The following DNPH1 variants were observed in gnomAD, a reference collection of about 807,000 sequenced individuals.
DNPH1 encodes 2'-deoxynucleoside 5'-phosphate N-hydrolase 1.
A neutral mutation model predicts 15.7 loss-of-function variants in DNPH1; 18 were observed. That is an observed-to-expected ratio of 1.15 (90% CI 0.79 to 1.70). The LOEUF is 1.70. DNPH1 is among the 40% of genes most tolerant of loss of function. DNPH1 has a pLI of 0.00. For synonymous variants in DNPH1, 114 were observed against 107.9 expected, an observed-to-expected ratio of 1.06 and a Z score of -0.35; for missense variants, 262 against 255.2, an observed-to-expected ratio of 1.03 and a Z score of -0.18.
intron 1 of DNPH1, 90 bp downstream of exon 1, chr6:43,229,171 C>A: frequency 1.6e-6 from 2 of 1,233,890 alleles, no homozygotes; most frequent in Non-Finnish European, 2.1e-6. Flanking sequence ...GCGCAGCTGC[C>A]GGGGGTCGGG....
At position 43,225,724 on chromosome 6, in the gene DNPH1, G is replaced by A. The variant is rs576823146; in HGVS notation, c.*9C>T. 7 of 1,613,740 alleles carry A rather than the reference G, an allele frequency of 4.3e-6. No individual in the cohort carries two copies. The highest frequency in any genetic ancestry group is 5.9e-6 in the Non-Finnish European group (7 of 1,179,994). On this transcript the variant is annotated 3_prime_UTR_variant, in exon 4 of 4. Transcript: ENST00000230431. ...TGAGAATAGAAGAATTTAAGAAAGT[G>A]AGATTAAGTCAAGTGGTTGGGTCAG... is the stretch of plus-strand genomic sequence containing the variant.
In DNPH1 at chr6:43,226,398, G is replaced by C; in HGVS notation, c.197-3C>G. The C allele has an allele frequency of 6.2e-7, 1 of 1,611,304 alleles. No homozygotes were observed. Among genetic ancestry groups the C allele is most frequent in the Non-Finnish European group, 8.5e-7 (1 of 1,179,474 alleles). On this transcript the variant is annotated splice_polypyrimidine_tract_variant and splice_region_variant and intron_variant, in intron 1 of 3. Transcript: ENST00000230431. The surrounding 1 kb of genome is among the most constrained non-coding windows in gnomAD (Gnocchi z 4.1). ...GTCACCCCCAGCAGCCTCTTCCCCTGTGTTGAGGGAAAGCTGGTCAAGGAC... is the reference window on the plus strand; with the variant it reads ...GTCACCCCCAGCAGCCTCTTCCCCTCTGTTGAGGGAAAGCTGGTCAAGGAC...
Position 43,226,031 on chromosome 6 carries a change from A to C in DNPH1, c.376+2T>G, listed in dbSNP as rs765101358. ...GCCAGGAGGGAGGCTTGGGGTGCTC[A>C]CCGCGGCCAGACTGCGGGCGGAACA... On this transcript the variant is annotated splice_donor_variant, in intron 3 of 3. Coordinates refer to ENST00000230431, the MANE Select transcript of DNPH1 (RefSeq NM_006443.3). LOFTEE classifies it high-confidence loss of function. This position sits in a 1 kb window ranked among gnomAD's most constrained non-coding sequence, Gnocchi z 4.1. 5.6e-6 allele frequency: 9 copies of C among 1,613,610 alleles called. No individual in the cohort carries two copies. Among genetic ancestry groups the C allele is most frequent in the Admixed American group, 3.3e-5 (2 of 59,990 alleles).
At position 43,226,102 on chromosome 6, in the gene DNPH1, AG is replaced by A. The variant is rs1432550801; in HGVS notation, c.306del (p.Tyr103MetfsTer28). 2 of 1,613,632 alleles carry A rather than the reference AG, an allele frequency of 1.2e-6. No individual in the cohort carries two copies. The highest frequency in any genetic ancestry group is 1.7e-6 in the Non-Finnish European group (2 of 1,180,014). On this transcript the variant is annotated frameshift_variant, in exon 3 of 4. Coordinates refer to ENST00000230431, the MANE Select transcript of DNPH1 (RefSeq NM_006443.3). LOFTEE classifies it high-confidence loss of function. This position sits in a 1 kb window ranked among gnomAD's most constrained non-coding sequence, Gnocchi z 4.1. Reference sequence around the variant, plus strand: ...AAGGCCACGGCCCGGCCCAGCTCATAGCCTACACCCAAGGATGGCTGTGTCA... The same window carrying A: ...AAGGCCACGGCCCGGCCCAGCTCATACCTACACCCAAGGATGGCTGTGTCA... ...AEVTQPSLGVGYELGRAVAFN... is the reference protein window; with the variant it reads ...AEVTQPSLGVXYELGRAVAFN...
intron 1 of DNPH1, among the ~76,000 whole-genome samples, chr6:43,228,330 C>G (rs930287153): frequency 2.0e-5 from 3 of 151,930 alleles, no homozygotes; most frequent in Non-Finnish European, 4.4e-5. Context: ...TGTCGTGCCC[C>G]TGCAGTCCTT....
In DNPH1 at chr6:43,225,690, A is replaced by G; in HGVS notation, c.*43T>C. ...GGCTAAGAGGAAGGAATGGTACTAG[A>G]GCAGTGTCTGAGAATAGAAGAATTT... is the stretch of plus-strand genomic sequence containing the variant. On this transcript the variant is annotated 3_prime_UTR_variant, in exon 4 of 4. Coordinates refer to ENST00000230431, the MANE Select transcript of DNPH1 (RefSeq NM_006443.3). 6.2e-6 allele frequency: 10 copies of G among 1,608,356 alleles called. No individual in the cohort carries two copies. The highest frequency in any genetic ancestry group is 4.2e-6 in the Non-Finnish European group (5 of 1,177,058).
At position 43,229,277 on chromosome 6, in the gene DNPH1, G is replaced by A; in HGVS notation, c.180C>T (p.Ala60=). The part of the protein sequence containing the change: ...GTVLTEHVAA[A]ELGARGEEAA... ...GGGCCTCACCGCGCGCGCCCAGCTCGGCGGCCGCCACGTGCTCGGTGAGCA... is the reference window on the plus strand; with the variant it reads ...GGGCCTCACCGCGCGCGCCCAGCTCAGCGGCCGCCACGTGCTCGGTGAGCA... Residue 60 remains alanine (A), a synonymous_variant, in exon 1 of 4, where the codon GCC becomes GCT. Transcript: ENST00000230431. The A allele has an allele frequency of 7.0e-7, 1 of 1,431,840 alleles. No individual in the cohort carries two copies. The highest frequency in any genetic ancestry group is 1.4e-5 in the South Asian group (1 of 71,672). 88.7% of individuals were successfully genotyped at this position (1,431,840 alleles called of 1,614,324 possible).
chr6:43,229,078 G>T (rs1776783629), intron 1 of DNPH1, 183 bp downstream of exon 1: 1 of 595,276 alleles, frequency 1.7e-6, no homozygotes, highest in Non-Finnish European at 2.9e-6. Flanking sequence ...GACCCACGCA[G>T]CCCGAGCCCC....
At position 43,225,773 on chromosome 6, in the gene DNPH1, G is replaced by A. The variant is rs1448633394; in HGVS notation, c.485C>T (p.Pro162Leu). 26 of 1,614,092 alleles carry A rather than the reference G, an allele frequency of 1.6e-5. No individual in the cohort carries two copies. The highest frequency in any genetic ancestry group is 2.0e-5 in the Non-Finnish European group (24 of 1,180,046). The change falls in exon 4 of 4, where the codon CCT becomes CTT. Residue 162 changes from proline (P) to leucine (L), a missense_variant. Transcript: ENST00000230431. ...ALLDRYFEAD[P>L]PGQVAASPDP... is the part of the protein sequence containing the mutation. ...AGGGGAGGCAGCCACCTGCCCTGGA[G>A]GATCAGCCTCGAAGTATCGATCCAG...
In DNPH1 at chr6:43,226,157, TGAGAG is replaced by T; in HGVS notation, c.266-19_266-15del. The T allele has an allele frequency of 6.2e-7, 1 of 1,612,678 alleles. No homozygotes were observed. The highest frequency in any genetic ancestry group is 8.5e-7 in the Non-Finnish European group (1 of 1,179,922). ...CTGCCACGACCACTGGGAGGAAAGA[TGAGAG>T]GAAGCCTCAGCATTGGGGGCACTTG... is the stretch of plus-strand genomic sequence containing the variant. On this transcript the variant is annotated splice_polypyrimidine_tract_variant and intron_variant, in intron 2 of 3. Coordinates refer to ENST00000230431, the MANE Select transcript of DNPH1 (RefSeq NM_006443.3). This position sits in a 1 kb window ranked among gnomAD's most constrained non-coding sequence, Gnocchi z 4.1.
At chr6:43,229,049 ACACCCGCAGGCTTG>A (rs1365260584) in intron 1 of DNPH1, 198 bp downstream of exon 1, 1 of 487,408 alleles carries the variant, frequency 2.1e-6, no homozygotes, top group Non-Finnish European at 3.8e-6. Context: ...AGTCTGCCTT[ACACCCGCAGGCTTG>A]CTGGGACCCA....
rs1776746067 is a variant in DNPH1, at chr6:43,226,541, G to A, written c.197-146C>T. On this transcript the variant is annotated intron_variant, in intron 1 of 3. Coordinates refer to ENST00000230431, the MANE Select transcript of DNPH1 (RefSeq NM_006443.3). This position sits in a 1 kb window ranked among gnomAD's most constrained non-coding sequence, Gnocchi z 4.1. ...GACCAAACATGACAATCTCATCAAA[G>A]CAGCGAGGAAATGGAATAGCCACAA... is the stretch of plus-strand genomic sequence containing the variant. 1.5e-6 allele frequency: 1 copy of A among 681,320 alleles called. No homozygotes were observed. Among genetic ancestry groups the A allele is most frequent in the African/African-American group, 1.8e-5 (1 of 55,170 alleles). 42.2% of individuals were successfully genotyped at this position (681,320 alleles called of 1,614,324 possible).
intron 1 of DNPH1, 141 bp downstream of exon 1, chr6:43,229,120 A>G: frequency 1.1e-6 from 1 of 915,514 alleles, no homozygotes; most frequent in Non-Finnish European, 1.6e-6. Flanking sequence ...GGGGCGCTGG[A>G]TGGAGCACCG....
At position 43,226,048 on chromosome 6, in the gene DNPH1, G is replaced by A; in HGVS notation, c.361C>T (p.Pro121Ser). The change falls in exon 3 of 4, where the codon CCG becomes TCG. Residue 121 changes from proline to serine, a missense_variant. Transcript: ENST00000230431. The surrounding 1 kb of genome is among the most constrained non-coding windows in gnomAD (Gnocchi z 4.1). ...FNKRILCLFRPQSGRVLSAMI... is the reference protein window; with the variant it reads ...FNKRILCLFRSQSGRVLSAMI... Reference sequence around the variant, plus strand: ...GGGTGCTCACCGCGGCCAGACTGCGGGCGGAACAGGCACAGGATCCGCTTG... The same window carrying A: ...GGGTGCTCACCGCGGCCAGACTGCGAGCGGAACAGGCACAGGATCCGCTTG... The A allele has an allele frequency of 6.2e-7, 1 of 1,613,830 alleles. No homozygotes were observed. Among genetic ancestry groups the A allele is most frequent in the Non-Finnish European group, 8.5e-7 (1 of 1,179,936 alleles).
rs1309114328 is a variant in DNPH1, at chr6:43,229,263, C to T, written c.194G>A (p.Arg65His). The T allele has an allele frequency of 5.6e-6, 8 of 1,421,896 alleles. No homozygotes were observed. In the South Asian group the frequency reaches 1.0e-4, roughly 18 times the overall value. 88.1% of individuals were successfully genotyped at this position (1,421,896 alleles called of 1,614,324 possible). A position where few individuals can be genotyped will look rare whatever the true frequency, so the allele number is the denominator to read the frequency against. The stretch of plus-strand genomic sequence containing the variant: ...GTCCCGCGGCCCCAGGGCCTCACCG[C>T]GCGCGCCCAGCTCGGCGGCCGCCAC... ...EHVAAAELGARGEEAAGGDRL... is the reference protein window; with the variant it reads ...EHVAAAELGAHGEEAAGGDRL... The change falls in exon 1 of 4, where the codon CGC (arginine) becomes CAC (histidine). Residue 65 changes from arginine to histidine, a missense_variant and splice_region_variant. Arg to His is a conservative substitution (Grantham distance 29). Transcript: ENST00000230431.
chr6:43,228,617 G>A (rs950978012), intron 1 of DNPH1, among the ~76,000 whole-genome samples: 1 of 152,168 alleles, frequency 6.6e-6, no homozygotes, highest in African/African-American at 2.4e-5. Context: ...CCTGAGGTCA[G>A]GAGTTCGAAA....
intron 1 of DNPH1, chr6:43,229,029 G>A (rs759879559): frequency 8.5e-5 from 38 of 444,482 alleles, no homozygotes; most frequent in Non-Finnish European, 1.5e-4. Flanking sequence ...CAAAGGTCAA[G>A]ATAATGCTGA....
rs1331952884 is a variant in DNPH1, at chr6:43,226,884, A to G, written c.197-489T>C. Among the ~76,000 whole-genome samples, 1 of 151,844 alleles carries G rather than the reference A, an allele frequency of 6.6e-6. No homozygotes were observed. The highest frequency in any genetic ancestry group is 6.6e-5 in the Admixed American group (1 of 15,214). ...CACTTTGGGAGGCTGGGGCGGGTGG[A>G]TCACTTGAGGTCAGGAGTTCAAAAC... On this transcript the variant is annotated intron_variant, in intron 1 of 3. Coordinates refer to ENST00000230431, the MANE Select transcript of DNPH1 (RefSeq NM_006443.3). The surrounding 1 kb of genome is among the most constrained non-coding windows in gnomAD (Gnocchi z 4.1).
chr6:43,229,246 G>A lies in DNPH1; in HGVS notation c.196+15C>T, dbSNP rs957564718. 13 of 1,352,174 alleles carry A rather than the reference G, an allele frequency of 9.6e-6. No homozygotes were observed. The highest frequency in any genetic ancestry group is 1.8e-5 in the South Asian group (1 of 55,762). The allele number at this position is 1,352,174 out of a possible 1,614,324, so 83.8% of individuals were successfully genotyped here. A position where few individuals can be genotyped will look rare whatever the true frequency, so the allele number is the denominator to read the frequency against. Reference sequence around the variant, plus strand: ...CGCGCCCGCGTCCCCGCGTCCCGCGGCCCCAGGGCCTCACCGCGCGCGCCC... The same window carrying A: ...CGCGCCCGCGTCCCCGCGTCCCGCGACCCCAGGGCCTCACCGCGCGCGCCC... On this transcript the variant is annotated intron_variant, in intron 1 of 3. Transcript: ENST00000230431.
Sources: allele counts gnomAD v4.1 joint callset (sites outside exome capture counted in the v4.1 genomes callset), GRCh38; gene constraint gnomAD v4.1.1; non-coding constraint Gnocchi (gnomAD v3.1); transcripts MANE v1.5; gene names NCBI Gene and HGNC (gene_info 2026-07-23, HGNC 2026-07-21).